The following COL5A2 variants were observed in gnomAD, a reference collection of about 807,000 sequenced individuals.
COL5A2 encodes the protein collagen alpha-2(V) chain.
Under a neutral mutation model 208.2 loss-of-function variants are expected in COL5A2, and 23 were observed. The observed-to-expected ratio is 0.11, with a 90% CI of 0.08 to 0.16. The LOEUF (loss-of-function observed/expected upper bound fraction) is 0.16. Ranked by LOEUF, COL5A2 falls within the 10% of genes least tolerant of loss-of-function variation. COL5A2 has a pLI of 1.00. For synonymous variants in COL5A2, 625 were observed against 628.5 expected, an observed-to-expected ratio of 0.99 and a Z score of 0.08; for missense variants, 1,590 against 1,956.4, an observed-to-expected ratio of 0.81 and a Z score of 3.53.
chr2:189,245,226 CT>C, the COL5A2 span, among the ~76,000 whole-genome samples: 2 of 151,774 alleles, frequency 1.3e-5, no homozygotes, highest in East Asian at 1.9e-4. Context: ...AGTGTTCACG[CT>C]TTTTTTTCTA....
chr2:189,284,503 C>A, the COL5A2 span, among the ~76,000 whole-genome samples: 4 of 151,964 alleles, frequency 2.6e-5, no homozygotes, highest in African/African-American at 7.3e-5. Flanking sequence ...AATGCTACAC[C>A]CTTTTAAACA....
chr2:189,353,931 T>C, the COL5A2 span, among the ~76,000 whole-genome samples: 1 of 152,320 alleles, frequency 6.6e-6, no homozygotes, highest in Non-Finnish European at 1.5e-5. Context: ...GGGTTTGTCA[T>C]AAATAGCTCT....
At chr2:189,154,673 G>C (rs1182950065) in intron 1 of COL5A2, among the ~76,000 whole-genome samples, 1 of 152,092 alleles carries the variant, frequency 6.6e-6, no homozygotes, top group Non-Finnish European at 1.5e-5. Flanking sequence ...ATCTCGCTAG[G>C]TTGCCCAGGC....
chr2:189,072,680 G>T (rs184384219), intron 17 of COL5A2, among the ~76,000 whole-genome samples: 1 of 148,280 alleles, frequency 6.7e-6, no homozygotes, highest in Non-Finnish European at 1.5e-5. Flanking sequence ...GCTGAGGCAG[G>T]AGAATTGCTG....
chr2:189,099,500 C>A (rs59149631), intron 4 of COL5A2, among the ~76,000 whole-genome samples: 20,199 of 152,096 alleles, frequency 0.13, 1,372 homozygotes, highest in Middle Eastern at 0.19. Context: ...TGGCTCTTGC[C>A]TGTAGTCCCA....
intron 1 of COL5A2, among the ~76,000 whole-genome samples, chr2:189,188,774 A>G (rs1688887011): frequency 6.6e-6 from 1 of 152,226 alleles, no homozygotes; most frequent in Non-Finnish European, 1.5e-5. Flanking sequence ...TCATCTCAAC[A>G]GGATCTGAGT....
chr2:189,191,152 C>CCAAAAAAAAA (rs770924497), intron 1 of COL5A2, among the ~76,000 whole-genome samples: 5 of 21,054 alleles, frequency 2.4e-4, no homozygotes, highest in Non-Finnish European at 9.2e-4. Flanking sequence ...AAAAAAAAAA[C>CCAAAAAAAAA]AAAAAACAAA....
At chr2:189,341,147 C>T in the COL5A2 span, among the ~76,000 whole-genome samples, 312 of 152,126 alleles carry the variant, frequency 2.1e-3, 1 homozygote, top group African/African-American at 7.3e-3. Flanking sequence ...TATATAAGAA[C>T]ATCTAGAAAT....
chr2:189,059,584 GGTTTTTT>G (rs1319195687), intron 31 of COL5A2, among the ~76,000 whole-genome samples: 8 of 21,266 alleles, frequency 3.8e-4, no homozygotes, highest in African/African-American at 7.0e-4. Flanking sequence ...TTTCTTTTCT[GGTTTTTT>G]TTTTTTTTTT....
At chr2:189,181,399 C>G (rs993832913), upstream of COL5A2, among the ~76,000 whole-genome samples, 1 of 152,126 alleles carries the variant, frequency 6.6e-6, no homozygotes, top group Non-Finnish European at 1.5e-5. Flanking sequence ...TAAGTAAGGA[C>G]CAAAAATCAC....
the COL5A2 span, among the ~76,000 whole-genome samples, chr2:189,242,720 T>C: frequency 7.2e-5 from 11 of 152,316 alleles, no homozygotes; most frequent in Admixed American, 5.9e-4. Flanking sequence ...TCAAACAAAG[T>C]ATAAAGTGGG....
chr2:189,095,515 AAC>A (rs1054600254), intron 6 of COL5A2, among the ~76,000 whole-genome samples: 1 of 150,984 alleles, frequency 6.6e-6, no homozygotes, highest in African/African-American at 2.4e-5. Context: ...CACACACACA[AAC>A]ACACACACAC....
At chr2:189,362,047 A>G in the COL5A2 span, among the ~76,000 whole-genome samples, 2 of 152,062 alleles carry the variant, frequency 1.3e-5, no homozygotes, top group Non-Finnish European at 2.9e-5. Context: ...TGATTTAGTT[A>G]CCCCAACTAA....
chr2:189,341,979 C>G, the COL5A2 span, among the ~76,000 whole-genome samples: 15 of 152,176 alleles, frequency 9.9e-5, no homozygotes, highest in East Asian at 1.2e-3. Context: ...GAAACTAACT[C>G]AAATTATTGA....
At chr2:189,121,484 A>T (rs1687498401) in intron 1 of COL5A2, among the ~76,000 whole-genome samples, 2 of 151,950 alleles carry the variant, frequency 1.3e-5, no homozygotes, top group Non-Finnish European at 2.9e-5. Flanking sequence ...TGGTATGTCC[A>T]TGGGAAGGTG....
chr2:189,041,508 C>T, intron 50 of COL5A2, 78 bp downstream of exon 50: 1 of 1,150,160 alleles, frequency 8.7e-7, no homozygotes, highest in Admixed American at 1.7e-5. Flanking sequence ...GTCAATCGGG[C>T]TGCACAGACA....
At chr2:189,268,565 A>G in the COL5A2 span, among the ~76,000 whole-genome samples, 9 of 152,264 alleles carry the variant, frequency 5.9e-5, no homozygotes, top group South Asian at 4.1e-4. Context: ...CTGCTAATGA[A>G]TAGTTAAAAA....
chr2:189,251,948 G>A, the COL5A2 span, among the ~76,000 whole-genome samples: 26 of 152,230 alleles, frequency 1.7e-4, no homozygotes, highest in African/African-American at 2.9e-4. Context: ...ACAAGTGGGC[G>A]AAGGATATGA....
the COL5A2 span, among the ~76,000 whole-genome samples, chr2:189,267,577 A>T: frequency 6.6e-6 from 1 of 152,176 alleles, no homozygotes. Flanking sequence ...ATTTTTAAAA[A>T]GCAATAGAAT....
Sources: gnomAD v4.1 joint callset for allele counts (sites outside exome capture counted in the v4.1 genomes callset) on GRCh38, gnomAD v4.1.1 for gene constraint, MANE v1.5 for transcripts, NCBI Gene and HGNC (gene_info 2026-07-23, HGNC 2026-07-21) for gene names.